The following PLCG2 variants were observed in gnomAD, a reference collection of about 807,000 sequenced individuals.
The protein encoded by PLCG2 is phospholipase C gamma 2.
Under a neutral mutation model 175.6 loss-of-function variants are expected in PLCG2, and 69 were observed. That is an observed-to-expected ratio of 0.39 (90% CI 0.32 to 0.48). PLCG2 has a LOEUF of 0.48. PLCG2 is among the 20% of genes least tolerant of loss of function. The probability of loss-of-function intolerance (pLI) is 0.91; values close to 1 mark genes in which losing one functional copy is unlikely to be tolerated. For synonymous variants in PLCG2, 827 were observed against 624.0 expected (o/e 1.33, Z -4.85); for missense variants, 1,798 against 1,650.9 (o/e 1.09, Z -1.54).
At chr16:81,839,321 C>T (rs1157154691) in intron 2 of PLCG2, among the ~76,000 whole-genome samples, 1 of 151,902 alleles carries the variant, frequency 6.6e-6, no homozygotes, top group South Asian at 2.1e-4. Context: ...TGGCTCCAAA[C>T]CACCCCCCAA....
At chr16:81,746,728 G>T (rs758863003) in intron 1 of PLCG2, among the ~76,000 whole-genome samples, 3 of 152,134 alleles carry the variant, frequency 2.0e-5, no homozygotes, top group African/African-American at 7.2e-5. Context: ...TGTAAAGTGG[G>T]CATATTAATA....
intron 2 of PLCG2, among the ~76,000 whole-genome samples, chr16:81,835,830 G>C (rs1163490499): frequency 6.6e-6 from 1 of 152,124 alleles, no homozygotes; most frequent in African/African-American, 2.4e-5. Context: ...CTGGCCTCTG[G>C]TAGCTGCTGG....
intron 1 of PLCG2, among the ~76,000 whole-genome samples, chr16:81,752,982 C>T (rs549411496): frequency 6.6e-6 from 1 of 152,334 alleles, no homozygotes; most frequent in Non-Finnish European, 1.5e-5. Flanking sequence ...CACGGTACTT[C>T]GAAGGTCTGT....
intron 2 of PLCG2, among the ~76,000 whole-genome samples, chr16:81,823,296 C>T (rs1038894040): frequency 2.0e-5 from 3 of 152,204 alleles, no homozygotes; most frequent in Admixed American, 2.0e-4. Flanking sequence ...GCCGGGGCAG[C>T]TGCAGCAGAG....
At chr16:81,752,274 C>T (rs1909827507) in intron 1 of PLCG2, among the ~76,000 whole-genome samples, 1 of 152,116 alleles carries the variant, frequency 6.6e-6, no homozygotes. Context: ...GGGGTGAAAG[C>T]AGGTTCCAGC....
chr16:81,803,445 G>C (rs1231125507), intron 2 of PLCG2, among the ~76,000 whole-genome samples: 2 of 151,914 alleles, frequency 1.3e-5, no homozygotes, highest in Non-Finnish European at 2.9e-5. Context: ...ACCATATTTT[G>C]TTTATCCATT....
chr16:81,950,434 A>T (rs1181013863), intron 31 of PLCG2, among the ~76,000 whole-genome samples: 1 of 152,238 alleles, frequency 6.6e-6, no homozygotes, highest in Non-Finnish European at 1.5e-5. Flanking sequence ...ATTCCTACAT[A>T]TACAAAGACA....
chr16:81,930,528 G>A (rs1234758958), intron 24 of PLCG2, among the ~76,000 whole-genome samples: 10 of 151,996 alleles, frequency 6.6e-5, no homozygotes, highest in African/African-American at 2.4e-4. Flanking sequence ...TGAGTGGATC[G>A]CTTGAGCTCA....
intron 7 of PLCG2, among the ~76,000 whole-genome samples, chr16:81,878,236 G>A (rs542474315): frequency 1.1e-3 from 173 of 151,810 alleles, no homozygotes; most frequent in African/African-American, 3.9e-3. Flanking sequence ...CGCCTGCCTC[G>A]GCCTCACAAA....
intron 2 of PLCG2, among the ~76,000 whole-genome samples, chr16:81,787,019 C>G (rs1349187750): frequency 6.6e-6 from 1 of 152,150 alleles, no homozygotes; most frequent in African/African-American, 2.4e-5. Flanking sequence ...CACTTCTGCA[C>G]CTTGACTTCT....
At chr16:81,871,731 T>G (rs1187285886) in intron 7 of PLCG2, among the ~76,000 whole-genome samples, 1 of 152,230 alleles carries the variant, frequency 6.6e-6, no homozygotes, top group Admixed American at 6.5e-5. Flanking sequence ...TGTTTTGATC[T>G]GACAGTGGCA....
intron 1 of PLCG2, among the ~76,000 whole-genome samples, chr16:81,753,302 G>C (rs1259295474): frequency 1.3e-5 from 2 of 148,154 alleles, no homozygotes; most frequent in South Asian, 4.2e-4. Context: ...GGTCATTGGT[G>C]GGTTATGCCA....
chr16:81,854,604 G>C lies in PLCG2; in HGVS notation c.337+17G>C, dbSNP rs1232933114. ...GCTTGGCAGGTAGGTGCATGTTTCT[G>C]TGCCTTTCTCCTTCCCTGTGCCTTA... On this transcript the variant is annotated intron_variant, in intron 3 of 32. Transcript: ENST00000564138. 1 of 1,610,590 alleles carries C rather than the reference G, an allele frequency of 6.2e-7. No homozygotes were observed. Among genetic ancestry groups the C allele is most frequent in the Admixed American group, 1.7e-5 (1 of 59,938 alleles).
chr16:81,756,862 A>G (rs1411264360), intron 2 of PLCG2, among the ~76,000 whole-genome samples: 1 of 152,076 alleles, frequency 6.6e-6, no homozygotes, highest in Admixed American at 6.5e-5. Context: ...TCCGAGTCTG[A>G]TCTGTCTTGA....
chr16:81,941,538 T>G (rs1028671767), intron 30 of PLCG2, among the ~76,000 whole-genome samples: 7 of 151,494 alleles, frequency 4.6e-5, no homozygotes, highest in African/African-American at 1.5e-4. Context: ...GAAACAAGAC[T>G]TTGGGAAAAT....
At chr16:81,793,962 G>T (rs138489612) in intron 2 of PLCG2, among the ~76,000 whole-genome samples, 1 of 152,180 alleles carries the variant, frequency 6.6e-6, no homozygotes, top group Non-Finnish European at 1.5e-5. Flanking sequence ...TCTCAAAGAC[G>T]TATCAGATCT....
intron 2 of PLCG2, among the ~76,000 whole-genome samples, chr16:81,765,925 C>T (rs983581512): frequency 6.6e-6 from 1 of 152,234 alleles, no homozygotes. Flanking sequence ...AGGGAGCTAA[C>T]TCTATTGACG....
chr16:81,766,129 G>A (rs901059251), intron 2 of PLCG2, among the ~76,000 whole-genome samples: 1 of 152,120 alleles, frequency 6.6e-6, no homozygotes, highest in Non-Finnish European at 1.5e-5. Flanking sequence ...GTTTGATTTT[G>A]TCAACATGGG....
intron 30 of PLCG2, among the ~76,000 whole-genome samples, chr16:81,941,923 G>C (rs182768826): frequency 5.9e-5 from 9 of 152,222 alleles, no homozygotes. Flanking sequence ...ACTGTGCCTG[G>C]CCTATAAACT....
Sources: allele counts gnomAD v4.1 joint callset (sites outside exome capture counted in the v4.1 genomes callset), GRCh38; gene constraint gnomAD v4.1.1; transcripts MANE v1.5; gene names NCBI Gene and HGNC (gene_info 2026-07-23, HGNC 2026-07-21).